PHACTR1: variants seen among roughly 807,000 people sequenced by gnomAD.
The protein encoded by PHACTR1 is RPEL repeat containing 1.
A neutral mutation model predicts 69.2 loss-of-function variants in PHACTR1; 16 were observed. That is an observed-to-expected ratio of 0.23 (90% CI 0.16 to 0.35). The LOEUF (loss-of-function observed/expected upper bound fraction) is 0.35, where lower values mean the gene tolerates loss of function less well. PHACTR1 is among the 10% of genes least tolerant of loss of function. The pLI is 1.00. For synonymous variants in PHACTR1, 312 were observed against 284.5 expected (o/e 1.10, Z -0.97); for missense variants, 510 against 734.7 (o/e 0.69, Z 3.54).
At chr6:12,729,843 TAAG>T (rs1344697871) in intron 3 of PHACTR1, among the ~76,000 whole-genome samples, 2 of 152,068 alleles carry the variant, frequency 1.3e-5, no homozygotes, top group African/African-American at 2.4e-5. Context: ...CTAGAAATAT[TAAG>T]AAGATTTTTT....
intron 5 of PHACTR1, among the ~76,000 whole-genome samples, chr6:13,112,829 TTCAC>T (rs1817249953): frequency 6.6e-6 from 1 of 152,200 alleles, no homozygotes; most frequent in Non-Finnish European, 1.5e-5. Flanking sequence ...AGGTTGTCTG[TTCAC>T]TCTGTTGATA....
intron 5 of PHACTR1, among the ~76,000 whole-genome samples, chr6:13,143,347 GT>G (rs1323372891): frequency 2.0e-5 from 3 of 152,180 alleles, no homozygotes; most frequent in Non-Finnish European, 4.4e-5. Flanking sequence ...TTACTCTGAT[GT>G]GATCATTACA....
chr6:12,953,800 G>A (rs986263735), intron 4 of PHACTR1, among the ~76,000 whole-genome samples: 1 of 152,218 alleles, frequency 6.6e-6, no homozygotes, highest in East Asian at 1.9e-4. Flanking sequence ...CAAGGGATTA[G>A]AGAGTCAGAA....
intron 4 of PHACTR1, among the ~76,000 whole-genome samples, chr6:12,918,483 C>T (rs1445444945): frequency 6.6e-6 from 1 of 152,196 alleles, no homozygotes; most frequent in South Asian, 2.1e-4. Context: ...CATTTATAAT[C>T]GTGTTTGTTG....
chr6:12,743,441 C>G (rs909500748), intron 3 of PHACTR1, among the ~76,000 whole-genome samples: 3 of 152,096 alleles, frequency 2.0e-5, no homozygotes, highest in Non-Finnish European at 4.4e-5. Flanking sequence ...GAACTTTATT[C>G]CATAAAGAAA....
In PHACTR1 at chr6:13,208,868, G is replaced by A. The variant is rs116120757; in HGVS notation, c.986+2732G>A. ...TTTAGACCAATGGGTAGATCTAGTCGGATAAGGGAATTTTGGTGGGGGCAG... is the reference window on the plus strand; with the variant it reads ...TTTAGACCAATGGGTAGATCTAGTCAGATAAGGGAATTTTGGTGGGGGCAG... On this transcript the variant is annotated intron_variant, in intron 8 of 14. Coordinates refer to ENST00000332995, the MANE Select transcript of PHACTR1 (RefSeq NM_030948.6). 4.5e-3 allele frequency among the ~76,000 whole-genome samples: 680 copies of A among 152,186 alleles called. 4 individuals carry two copies. The highest frequency in any genetic ancestry group is 0.015 in the African/African-American group (639 of 41,520).
At chr6:12,728,124 C>A (rs369675785) in intron 3 of PHACTR1, among the ~76,000 whole-genome samples, 1 of 151,922 alleles carries the variant, frequency 6.6e-6, no homozygotes, top group East Asian at 1.9e-4. Flanking sequence ...CTAGCCTGGG[C>A]AAAATAACAA....
At position 13,156,868 on chromosome 6, in the gene PHACTR1, C is replaced by T. The variant is rs6940856; in HGVS notation, c.416-3336C>T. On this transcript the variant is annotated intron_variant, in intron 5 of 14. Coordinates refer to ENST00000332995, the MANE Select transcript of PHACTR1 (RefSeq NM_030948.6). ...CATCTAGTTGTGTCTACATTGCCAC[C>T]TTCACACGTCTTGGGTGCATCTTTT... Among the ~76,000 whole-genome samples the T allele has an allele frequency of 4.4e-3, 674 of 152,276 alleles. 4 individuals carry two copies. The highest frequency in any genetic ancestry group is 0.015 in the African/African-American group (635 of 41,550).
In PHACTR1 at chr6:13,287,637, C is replaced by T. The variant is rs775389613; in HGVS notation, c.*559C>T. The T allele has an allele frequency of 6.6e-6, 1 of 152,662 alleles. No homozygotes were observed. Among genetic ancestry groups the T allele is most frequent in the Non-Finnish European group, 1.5e-5 (1 of 68,374 alleles). 9.5% of individuals were successfully genotyped at this position (152,662 alleles called of 1,614,324 possible). The stretch of plus-strand genomic sequence containing the variant: ...CACTTCTCAGTTGCCCCTGGCTTTT[C>T]CCTCCTTTCAGCCACCACCCACACA... On this transcript the variant is annotated 3_prime_UTR_variant, in exon 15 of 15. Transcript: ENST00000332995.
intron 5 of PHACTR1, among the ~76,000 whole-genome samples, chr6:13,132,965 C>G (rs192135382): frequency 6.6e-6 from 1 of 152,086 alleles, no homozygotes; most frequent in African/African-American, 2.4e-5. Context: ...GCATTTTACC[C>G]ACAATAGAAC....
At chr6:12,782,214 G>C (rs1275198373) in intron 4 of PHACTR1, among the ~76,000 whole-genome samples, 1 of 152,172 alleles carries the variant, frequency 6.6e-6, no homozygotes. Flanking sequence ...CAACCCAAGG[G>C]TTGGCAGTCA....
chr6:13,050,988 C>A (rs946493988), intron 4 of PHACTR1, among the ~76,000 whole-genome samples: 15 of 152,218 alleles, frequency 9.9e-5, no homozygotes, highest in Admixed American at 9.8e-4. Flanking sequence ...ATTGCAGTGT[C>A]CTCCTGATTG....
intron 10 of PHACTR1, among the ~76,000 whole-genome samples, chr6:13,271,725 C>T (rs142033292): frequency 4.7e-4 from 72 of 151,590 alleles, no homozygotes; most frequent in Admixed American, 1.6e-3. Context: ...TTTCCGTCAG[C>T]AGTTGGTAGA....
chr6:12,959,457 C>T (rs989877033), intron 4 of PHACTR1, among the ~76,000 whole-genome samples: 1 of 152,102 alleles, frequency 6.6e-6, no homozygotes, highest in African/African-American at 2.4e-5. Flanking sequence ...AAAAGCATAA[C>T]AAAGTTTTTC....
chr6:13,034,041 G>A (rs1048729824), intron 4 of PHACTR1, among the ~76,000 whole-genome samples: 1 of 150,296 alleles, frequency 6.7e-6, no homozygotes, highest in African/African-American at 2.4e-5. Flanking sequence ...TTTTTGAGAC[G>A]GAATCTCGCT....
At chr6:13,105,570 C>T (rs9296610) in intron 5 of PHACTR1, among the ~76,000 whole-genome samples, 3,860 of 152,186 alleles carry the variant, frequency 0.025, 166 homozygotes, top group African/African-American at 0.087. Flanking sequence ...AGTTGTAAGG[C>T]ATGGTTGTGG....
At chr6:12,944,787 A>ATTTATTTTTTATTT in intron 4 of PHACTR1, among the ~76,000 whole-genome samples, 1 of 116,396 alleles carries the variant, frequency 8.6e-6, no homozygotes, top group Admixed American at 8.0e-5. Flanking sequence ...ATTTTTATTT[A>ATTTATTTTTTATTT]TTTTTTTTTT....
intron 10 of PHACTR1, among the ~76,000 whole-genome samples, chr6:13,264,447 G>A (rs1396984065): frequency 6.6e-6 from 1 of 152,184 alleles, no homozygotes; most frequent in African/African-American, 2.4e-5. Context: ...GGCTGGGTGT[G>A]GTGGCTCACA....
chr6:13,112,682 G>A (rs1817220293), intron 5 of PHACTR1, among the ~76,000 whole-genome samples: 1 of 152,062 alleles, frequency 6.6e-6, no homozygotes, highest in South Asian at 2.1e-4. Flanking sequence ...GTCATTTTTT[G>A]AAGTGTCTTT....
Sources: gnomAD v4.1 joint callset for allele counts (sites outside exome capture counted in the v4.1 genomes callset) on GRCh38, gnomAD v4.1.1 for gene constraint, MANE v1.5 for transcripts, NCBI Gene and HGNC (gene_info 2026-07-23, HGNC 2026-07-21) for gene names.